Variants in WDR11 observed in about 807,000 individuals in gnomAD.
WDR11 encodes the protein WD repeat domain 11, also known as WD repeat-containing protein 11.
In WDR11, 83 loss-of-function variants were observed where a neutral mutation model predicts 151.2. The observed-to-expected ratio is 0.55, with a 90% CI of 0.46 to 0.66. WDR11 has a LOEUF of 0.66. Ranked by LOEUF, WDR11 falls within the 30% of genes least tolerant of loss-of-function variation. The pLI, the probability that WDR11 is intolerant of heterozygous loss-of-function variation, is 0.00. For synonymous variants in WDR11, 484 were observed against 533.1 expected (o/e 0.91, Z 1.27); for missense variants, 1,301 against 1,480.9 (o/e 0.88, Z 1.99).
rs1847730400 is a variant in WDR11 at position 120,899,393 on chromosome 10, A to T, written c.2516-636A>T. Among the ~76,000 whole-genome samples the T allele has an allele frequency of 1.3e-5, 2 of 152,248 alleles. 1 individual carries two copies. Among genetic ancestry groups the T allele is most frequent in the South Asian group, 4.1e-4 (2 of 4,830 alleles). ...ATATATTTATTTTTAATATTTAAAAATAATGAACTTTGTTGCTATTTGTTG... is the reference window on the plus strand; with the variant it reads ...ATATATTTATTTTTAATATTTAAAATTAATGAACTTTGTTGCTATTTGTTG... On this transcript the variant is annotated intron_variant, in intron 19 of 28. Transcript: ENST00000263461.
At position 120,903,189 on chromosome 10, in the gene WDR11, T is replaced by G; in HGVS notation, c.2888T>G (p.Leu963Arg). 6.2e-7 allele frequency: 1 copy of G among 1,614,242 alleles called. No homozygotes were observed. Among genetic ancestry groups the G allele is most frequent in the Non-Finnish European group, 8.5e-7 (1 of 1,180,050 alleles). Residue 963 changes from leucine (L) to arginine (R), a missense_variant, in exon 23 of 29, where the codon CTG (leucine) becomes CGG (arginine). This residue lies in a region of WDR11 where 589 missense variants were observed against 670.6 expected (regional missense o/e 0.88). Coordinates refer to ENST00000263461, the MANE Select transcript of WDR11 (RefSeq NM_018117.12). ...AAPRDKLSNP[L>R]DICYDVLCEN... ...CCTCGAGACAAACTGAGCAACCCAC[T>G]GGATATATGCTATGACGTGCTCTGT...
rs1312614258 is a variant in WDR11, at chr10:120,885,944, G to A, written c.1973+6G>A. The A allele has an allele frequency of 3.1e-6, 5 of 1,613,168 alleles. No individual in the cohort carries two copies. The highest frequency in any genetic ancestry group is 4.2e-6 in the Non-Finnish European group (5 of 1,179,538). On this transcript the variant is annotated splice_donor_region_variant and intron_variant, in intron 15 of 28. Coordinates refer to ENST00000263461, the MANE Select transcript of WDR11 (RefSeq NM_018117.12). ...GTTGAATCATCTGTGATCAGGTACA[G>A]TACAGTGTTTCTTGACACTGTCATT...
chr10:120,889,313 C>G, intron 17 of WDR11, 129 bp downstream of exon 17: 2 of 699,530 alleles, frequency 2.9e-6, no homozygotes, highest in Non-Finnish European at 5.0e-6. Flanking sequence ...TCTCGGCTCA[C>G]TGCAAGCTCT....
intron 2 of WDR11, among the ~76,000 whole-genome samples, chr10:120,855,051 T>TA (rs1388323391): frequency 7.2e-5 from 11 of 152,308 alleles, no homozygotes; most frequent in Admixed American, 3.9e-4. Flanking sequence ...CATACATACT[T>TA]ACCTATGATC....
At chr10:120,888,741 TG>T (rs1289379714) in intron 16 of WDR11, among the ~76,000 whole-genome samples, 2 of 152,210 alleles carry the variant, frequency 1.3e-5, no homozygotes, top group Admixed American at 6.5e-5. Context: ...AAGTTTGAGT[TG>T]GCTCTCTGGA....
intron 2 of WDR11, 70 bp downstream of exon 2, chr10:120,852,705 T>A: frequency 1.5e-6 from 2 of 1,292,916 alleles, no homozygotes; most frequent in Non-Finnish European, 2.2e-6. Context: ...ATCACTAAGC[T>A]CTCATTAAGT....
intron 21 of WDR11, among the ~76,000 whole-genome samples, chr10:120,901,777 G>T (rs975398761): frequency 6.6e-6 from 1 of 152,284 alleles, no homozygotes; most frequent in African/African-American, 2.4e-5. Context: ...TTTAAAGAAT[G>T]TCTTCCTTTC....
intron 5 of WDR11, 126 bp from the exon 6 acceptor site, chr10:120,864,921 G>T: frequency 4.6e-6 from 5 of 1,077,734 alleles, no homozygotes; most frequent in Non-Finnish European, 6.8e-6. Context: ...AACCCATGTT[G>T]GTCACTTCAG....
At chr10:120,861,652 A>G (rs191517678) in intron 4 of WDR11, among the ~76,000 whole-genome samples, 79 of 152,288 alleles carry the variant, frequency 5.2e-4, no homozygotes, top group African/African-American at 1.8e-3. Flanking sequence ...ATTTACTCAT[A>G]TTGAATGTGC....
In WDR11 at chr10:120,871,233, A is replaced by C. The variant is rs1488828679; in HGVS notation, c.1358A>C (p.Lys453Thr). 1.2e-6 allele frequency: 2 copies of C among 1,614,076 alleles called. No individual in the cohort carries two copies. Among genetic ancestry groups the C allele is most frequent in the African/African-American group, 2.7e-5 (2 of 74,940 alleles). ...RGSILREVHL[K>T]FLLTGLLSGL... ...TCAATTCTGCGGGAAGTGCACCTCA[A>C]GTTCCTGCTGACGGGACTGCTTTCA... The change falls in exon 10 of 29, where the codon AAG becomes ACG. Residue 453 changes from lysine to threonine, a missense_variant. By Grantham distance (78) the Lys-to-Thr change is moderately conservative (BLOSUM62 -1). Transcript: ENST00000263461.
At chr10:120,899,826 AAT>A in intron 19 of WDR11, 1 of 591,476 alleles carries the variant, frequency 1.7e-6, no homozygotes, top group Non-Finnish European at 3.0e-6. Flanking sequence ...GGAAAAGAAA[AAT>A]ATGTTAATCA....
chr10:120,882,738 A>G (rs540427993), intron 13 of WDR11, among the ~76,000 whole-genome samples: 5 of 152,128 alleles, frequency 3.3e-5, no homozygotes, highest in Admixed American at 6.5e-5. Context: ...TATATCAACC[A>G]ATTTTATTTA....
chr10:120,899,602 G>A (rs1203834527), intron 19 of WDR11, among the ~76,000 whole-genome samples: 2 of 151,932 alleles, frequency 1.3e-5, no homozygotes, highest in East Asian at 3.9e-4. Flanking sequence ...GGCCAACATG[G>A]TGAAACCCCA....
intron 3 of WDR11, among the ~76,000 whole-genome samples, chr10:120,859,294 G>T: frequency 7.1e-6 from 1 of 140,236 alleles, no homozygotes. Context: ...TTGAGATGGA[G>T]TGTCGCTCTG....
intron 27 of WDR11, chr10:120,906,355 C>G (rs780757562): frequency 7.2e-6 from 9 of 1,255,956 alleles, no homozygotes; most frequent in Non-Finnish European, 8.1e-6. Context: ...GGAGAGGCGA[C>G]AGAAGGCATG....
intron 27 of WDR11, 29 bp downstream of exon 27, chr10:120,906,050 A>C (rs773006081): frequency 1.2e-6 from 2 of 1,612,670 alleles, no homozygotes; most frequent in African/African-American, 2.7e-5. Context: ...TGGGCTGCTC[A>C]GGCCTGCCCG....
rs1848185571 is a variant in WDR11 at position 120,909,021 on chromosome 10, A to G, written c.*308A>G. The stretch of plus-strand genomic sequence containing the variant: ...TTTAATTTTTTTAACTTAAAATTCA[A>G]GAGACTGAATCACTTTTCTCATTGA... On this transcript the variant is annotated 3_prime_UTR_variant, in exon 29 of 29. Transcript: ENST00000263461. 2 of 352,810 alleles carry G rather than the reference A, an allele frequency of 5.7e-6. No individual in the cohort carries two copies. The highest frequency in any genetic ancestry group is 4.3e-5 in the Admixed American group (1 of 23,122). The allele number at this position is 352,810 out of a possible 1,614,324, so 21.9% of individuals were successfully genotyped here. A position where few individuals can be genotyped will look rare whatever the true frequency, so the allele number is the denominator to read the frequency against.
chr10:120,860,365 C>T lies in WDR11; in HGVS notation c.526+83C>T, dbSNP rs7098449. ...GCTATGTGCATGAGATATACACACA[C>T]ATTATACATCTATAATGTTAAAATG... On this transcript the variant is annotated intron_variant, in intron 4 of 28. Transcript: ENST00000263461. 0.013 allele frequency: 18,236 copies of T among 1,441,188 alleles called. 1,767 individuals are homozygous for T. The African/African-American group carries it at 0.22, about 17-fold the overall frequency. 89.3% of individuals were successfully genotyped at this position (1,441,188 alleles called of 1,614,324 possible). A position where few individuals can be genotyped will look rare whatever the true frequency, so the allele number is the denominator to read the frequency against.
intron 23 of WDR11, 77 bp from the exon 24 acceptor site, chr10:120,903,970 T>C: frequency 1.0e-6 from 1 of 966,572 alleles, no homozygotes; most frequent in Non-Finnish European, 1.6e-6. Context: ...AAAATGATCT[T>C]ATTAAGTACA....
Sources: allele counts gnomAD v4.1 joint callset (sites outside exome capture counted in the v4.1 genomes callset), GRCh38; gene constraint gnomAD v4.1.1; regional missense constraint gnomAD v4.1.1; transcripts MANE v1.5; gene names NCBI Gene and HGNC (gene_info 2026-07-23, HGNC 2026-07-21).